LUZP2: variants seen among roughly 807,000 people sequenced by gnomAD.
LUZP2 encodes the protein leucine zipper protein 2.
A neutral mutation model predicts 51.6 loss-of-function variants in LUZP2; 52 were observed. That is an observed-to-expected ratio of 1.01 (90% CI 0.81 to 1.27). The LOEUF is 1.27. Ranked by LOEUF, LUZP2 falls within the 50% of genes most tolerant of loss-of-function variation. LUZP2 has a pLI of 0.00. For missense variants in LUZP2, 436 were observed against 395.4 expected, an observed-to-expected ratio of 1.10 and a Z score of -0.87; for synonymous variants, 154 against 137.3, an observed-to-expected ratio of 1.12 and a Z score of -0.85.
chr11:24,520,110 T>C (rs2133798331), intron 1 of LUZP2, among the ~76,000 whole-genome samples: 1 of 152,296 alleles, frequency 6.6e-6, no homozygotes, highest in South Asian at 2.1e-4. Context: ...ATCTTTAGTT[T>C]TGGAGAATTT....
chr11:24,691,510 A>G (rs1157971349), intron 1 of LUZP2, among the ~76,000 whole-genome samples: 1 of 150,080 alleles, frequency 6.7e-6, no homozygotes, highest in Non-Finnish European at 1.5e-5. Context: ...CCTGTATTTC[A>G]AGACCCACCA....
At chr11:24,686,247 T>TG (rs1856894617) in intron 1 of LUZP2, among the ~76,000 whole-genome samples, 8 of 147,588 alleles carry the variant, frequency 5.4e-5, no homozygotes, top group African/African-American at 1.9e-4. Flanking sequence ...TTGGCTAAGT[T>TG]GCTTACTTTA....
intron 1 of LUZP2, among the ~76,000 whole-genome samples, chr11:24,726,588 A>G (rs867790301): frequency 2.1e-4 from 32 of 152,248 alleles, no homozygotes; most frequent in Admixed American, 3.3e-4. Context: ...TTAGAAACTT[A>G]TATCACAGAA....
chr11:24,618,450 C>G (rs1263381882), intron 1 of LUZP2, among the ~76,000 whole-genome samples: 1 of 152,054 alleles, frequency 6.6e-6, no homozygotes, highest in East Asian at 1.9e-4. Flanking sequence ...TGGAGTGGAG[C>G]CACCATTTTT....
At chr11:24,871,800 A>T (rs1852084338) in intron 5 of LUZP2, among the ~76,000 whole-genome samples, 1 of 152,146 alleles carries the variant, frequency 6.6e-6, no homozygotes, top group Admixed American at 6.6e-5. Flanking sequence ...CAAGGTAAAA[A>T]CATTTCTCTA....
intron 1 of LUZP2, among the ~76,000 whole-genome samples, chr11:24,512,741 AT>A (rs906887502): frequency 1.1e-4 from 16 of 146,494 alleles, no homozygotes; most frequent in African/African-American, 3.5e-4. Context: ...TTTAATGGTT[AT>A]TTTTTTCTTT....
At chr11:24,539,762 G>A (rs969251763) in intron 1 of LUZP2, among the ~76,000 whole-genome samples, 2 of 152,036 alleles carry the variant, frequency 1.3e-5, no homozygotes, top group Non-Finnish European at 2.9e-5. Context: ...TTTTGTGGGA[G>A]AAATTATTAC....
intron 9 of LUZP2, among the ~76,000 whole-genome samples, chr11:24,984,728 G>A: frequency 6.6e-6 from 1 of 151,034 alleles, no homozygotes; most frequent in Non-Finnish European, 1.5e-5. Flanking sequence ...AGTTTCTGCT[G>A]AGAGTCTTCA....
intron 1 of LUZP2, among the ~76,000 whole-genome samples, chr11:24,671,051 T>C (rs1392198439): frequency 6.6e-6 from 1 of 151,886 alleles, no homozygotes; most frequent in Non-Finnish European, 1.5e-5. Flanking sequence ...ATTAGAACAA[T>C]TTTTTGAATT....
chr11:24,829,422 C>T (rs939283316), intron 5 of LUZP2, among the ~76,000 whole-genome samples: 3 of 152,152 alleles, frequency 2.0e-5, no homozygotes, highest in African/African-American at 7.2e-5. Flanking sequence ...CACATAAACA[C>T]AGAACTTTAA....
intron 5 of LUZP2, among the ~76,000 whole-genome samples, chr11:24,789,513 G>T (rs1267927744): frequency 6.6e-6 from 1 of 152,098 alleles, no homozygotes; most frequent in Non-Finnish European, 1.5e-5. Flanking sequence ...TTTCCTGATG[G>T]AGTCCTGATT....
intron 5 of LUZP2, among the ~76,000 whole-genome samples, chr11:24,809,038 G>T (rs1392428313): frequency 1.3e-5 from 2 of 152,008 alleles, no homozygotes; most frequent in East Asian, 1.9e-4. Context: ...TTGTTAATAT[G>T]CTATTCATAT....
chr11:24,610,900 G>T (rs927850779), intron 1 of LUZP2, among the ~76,000 whole-genome samples: 13 of 152,156 alleles, frequency 8.5e-5, no homozygotes, highest in African/African-American at 3.1e-4. Flanking sequence ...AGTCAAAGTT[G>T]CACCATTGCA....
At chr11:24,538,383 C>T (rs933694000) in intron 1 of LUZP2, among the ~76,000 whole-genome samples, 2 of 151,654 alleles carry the variant, frequency 1.3e-5, no homozygotes, top group African/African-American at 2.4e-5. Flanking sequence ...AATAAATCTT[C>T]ATGACCTTGG....
At chr11:24,957,209 T>C (rs893710049) in intron 7 of LUZP2, among the ~76,000 whole-genome samples, 1 of 152,178 alleles carries the variant, frequency 6.6e-6, no homozygotes, top group Non-Finnish European at 1.5e-5. Flanking sequence ...TTATTCTCTT[T>C]GATCCTAATT....
At chr11:24,897,008 T>G (rs1232876135) in intron 5 of LUZP2, among the ~76,000 whole-genome samples, 1 of 152,076 alleles carries the variant, frequency 6.6e-6, no homozygotes, top group Non-Finnish European at 1.5e-5. Flanking sequence ...GCTCAAGGTG[T>G]GTAAACGCAC....
intron 7 of LUZP2, among the ~76,000 whole-genome samples, chr11:24,963,137 G>T (rs1179068021): frequency 2.0e-5 from 3 of 152,132 alleles, no homozygotes; most frequent in African/African-American, 7.2e-5. Flanking sequence ...TGTCTCAGAG[G>T]AGTACCCGGC....
intron 1 of LUZP2, among the ~76,000 whole-genome samples, chr11:24,525,710 CTA>C (rs879862035): frequency 6.0e-5 from 9 of 150,472 alleles, no homozygotes; most frequent in Admixed American, 1.3e-4. Context: ...TGTTCTCTCT[CTA>C]TATATATATA....
At chr11:24,508,695 T>G (rs923669383) in intron 1 of LUZP2, among the ~76,000 whole-genome samples, 2 of 152,142 alleles carry the variant, frequency 1.3e-5, no homozygotes, top group Non-Finnish European at 2.9e-5. Flanking sequence ...TAATTTAATT[T>G]TTAAAAATAA....
Sources: gnomAD v4.1 joint callset for allele counts (sites outside exome capture counted in the v4.1 genomes callset) on GRCh38, gnomAD v4.1.1 for gene constraint, MANE v1.5 for transcripts, NCBI Gene and HGNC (gene_info 2026-07-23, HGNC 2026-07-21) for gene names.